Variants in CCAR1 observed in about 807,000 individuals in gnomAD.
CCAR1 encodes the protein cell division cycle and apoptosis regulator protein 1.
Under a neutral mutation model 163.8 loss-of-function variants are expected in CCAR1, and 78 were observed. That is an observed-to-expected ratio of 0.48 (90% CI 0.40 to 0.57). The LOEUF is 0.57. Ranked by LOEUF, CCAR1 falls within the 20% of genes least tolerant of loss-of-function variation. The pLI, the probability that CCAR1 is intolerant of heterozygous loss-of-function variation, is 0.00. For missense variants in CCAR1, 1,019 were observed against 1,365.2 expected (o/e 0.75, Z 4.00); for synonymous variants, 443 against 460.7 (o/e 0.96, Z 0.49).
At chr10:68,741,804 A>C (rs1024023618) in intron 5 of CCAR1, among the ~76,000 whole-genome samples, 4 of 152,210 alleles carry the variant, frequency 2.6e-5, no homozygotes, top group African/African-American at 9.7e-5. Flanking sequence ...GAGGCTTTTC[A>C]CAGTATAACA....
intron 19 of CCAR1, among the ~76,000 whole-genome samples, chr10:68,780,349 C>T (rs2056721006): frequency 6.6e-6 from 1 of 152,106 alleles, no homozygotes; most frequent in Admixed American, 6.6e-5. Flanking sequence ...TGTGCACCAC[C>T]ACACCTGGCT....
At chr10:68,788,594 C>T (rs570155770) in intron 23 of CCAR1, among the ~76,000 whole-genome samples, 6 of 152,176 alleles carry the variant, frequency 3.9e-5, no homozygotes, top group African/African-American at 1.2e-4. Flanking sequence ...AAGTGATTCT[C>T]CCACCTCAGT....
At chr10:68,736,453 A>C (rs1298843070) in intron 2 of CCAR1, among the ~76,000 whole-genome samples, 2 of 152,078 alleles carry the variant, frequency 1.3e-5, no homozygotes, top group African/African-American at 4.8e-5. Context: ...CATTCCTCCT[A>C]ACTGAAACCT....
chr10:68,764,221 A>T (rs1433068017), intron 16 of CCAR1, among the ~76,000 whole-genome samples: 2 of 152,076 alleles, frequency 1.3e-5, no homozygotes, highest in African/African-American at 2.4e-5. Flanking sequence ...CTGGGTTTCA[A>T]TATTTAGTAA....
intron 16 of CCAR1, among the ~76,000 whole-genome samples, chr10:68,763,230 A>G (rs1199710748): frequency 6.6e-6 from 1 of 151,942 alleles, no homozygotes; most frequent in East Asian, 1.9e-4. Context: ...GGCTCACTGC[A>G]GCCTCTGCCT....
At chr10:68,736,287 C>T (rs2056109137) in intron 2 of CCAR1, among the ~76,000 whole-genome samples, 3 of 152,130 alleles carry the variant, frequency 2.0e-5, no homozygotes, top group African/African-American at 7.2e-5. Flanking sequence ...ATATATATGT[C>T]ATGGAATGGC....
At chr10:68,759,231 TAGTG>T (rs1460146454) in intron 15 of CCAR1, 1 of 152,090 alleles carries the variant, frequency 6.6e-6, no homozygotes, top group Non-Finnish European at 1.5e-5. Context: ...TTCTGCAACA[TAGTG>T]AGGCCCTGTC....
intron 2 of CCAR1, among the ~76,000 whole-genome samples, chr10:68,726,594 C>A (rs1299371916): frequency 6.6e-6 from 1 of 151,984 alleles, no homozygotes; most frequent in African/African-American, 2.4e-5. Flanking sequence ...TAACTGCTTA[C>A]TTTTATTTGT....
chr10:68,784,648 A>G (rs1799957634), intron 19 of CCAR1, among the ~76,000 whole-genome samples: 1 of 152,084 alleles, frequency 6.6e-6, no homozygotes, highest in South Asian at 2.1e-4. Context: ...TCTGGGACCC[A>G]AGTGATCCTC....
At chr10:68,732,190 C>T (rs117954816) in intron 2 of CCAR1, among the ~76,000 whole-genome samples, 3,663 of 152,226 alleles carry the variant, frequency 0.024, 62 homozygotes, top group Non-Finnish European at 0.04. Flanking sequence ...ATACTTGAAT[C>T]ACTGATTTAA....
chr10:68,753,316 T>TG (rs2056358461), intron 10 of CCAR1, among the ~76,000 whole-genome samples: 1 of 152,176 alleles, frequency 6.6e-6, no homozygotes, highest in Admixed American at 6.6e-5. Context: ...GTTGTGGAGG[T>TG]GCAGATAATC....
intron 12 of CCAR1, 167 bp from the exon 13 acceptor site, chr10:68,755,203 G>T (rs190938960): frequency 6.5e-6 from 5 of 768,990 alleles, no homozygotes; most frequent in East Asian, 2.4e-5. Context: ...CTATTCCATT[G>T]CTGAAATGCA....
At chr10:68,786,856 G>A (rs1344596715) in intron 21 of CCAR1, 164 bp downstream of exon 21, 7 of 531,358 alleles carry the variant, frequency 1.3e-5, no homozygotes, top group Non-Finnish European at 2.2e-5. Flanking sequence ...AGGCTGAGGC[G>A]GGCAGATCAG....
At chr10:68,768,537 G>A (rs1414829887) in intron 17 of CCAR1, among the ~76,000 whole-genome samples, 1 of 152,188 alleles carries the variant, frequency 6.6e-6, no homozygotes, top group South Asian at 2.1e-4. Context: ...CTTGAACGCA[G>A]CGGGCAGAGG....
chr10:68,748,051 A>G (rs2056280445), intron 8 of CCAR1, among the ~76,000 whole-genome samples: 1 of 152,118 alleles, frequency 6.6e-6, no homozygotes, highest in Non-Finnish European at 1.5e-5. Context: ...ACAGGGTTTC[A>G]CCACGTTGGC....
chr10:68,766,125 T>C (rs760648179), intron 17 of CCAR1, 46 bp downstream of exon 17: 4 of 1,125,592 alleles, frequency 3.6e-6, no homozygotes, highest in Non-Finnish European at 5.3e-6. Flanking sequence ...GTCCACACAT[T>C]ATGACTAGTT....
chr10:68,775,676 A>ATT (rs1485050100), intron 19 of CCAR1, among the ~76,000 whole-genome samples: 1 of 111,826 alleles, frequency 8.9e-6, no homozygotes, highest in African/African-American at 3.8e-5. Context: ...CGCCCAGCTA[A>ATT]TTTTTCTTTT....
At chr10:68,743,520 T>C (rs1199321772) in intron 6 of CCAR1, among the ~76,000 whole-genome samples, 3 of 151,780 alleles carry the variant, frequency 2.0e-5, no homozygotes, top group East Asian at 1.9e-4. Flanking sequence ...GTGTGGAATT[T>C]TGTTTCTTTT....
chr10:68,725,110 C>G (rs908954011), intron 2 of CCAR1, among the ~76,000 whole-genome samples: 2 of 151,346 alleles, frequency 1.3e-5, no homozygotes, highest in Non-Finnish European at 2.9e-5. Context: ...CCATTGCGCT[C>G]TAGCCTGGGC....
Sources: allele counts gnomAD v4.1 joint callset (sites outside exome capture counted in the v4.1 genomes callset), GRCh38; gene constraint gnomAD v4.1.1; transcripts MANE v1.5; gene names NCBI Gene and HGNC (gene_info 2026-07-23, HGNC 2026-07-21).